The following MGAT4C variants were observed in gnomAD, a reference collection of about 807,000 sequenced individuals.
MGAT4C encodes MGAT4 family member C.
In MGAT4C, 19 loss-of-function variants were observed where a neutral mutation model predicts 40.1. The observed-to-expected ratio is 0.47, with a 90% CI of 0.33 to 0.70. The LOEUF is 0.70. MGAT4C is among the 30% of genes least tolerant of loss of function. The pLI, the probability that MGAT4C is intolerant of heterozygous loss-of-function variation, is 0.02. For missense variants in MGAT4C, 491 were observed against 563.2 expected, an observed-to-expected ratio of 0.87 and a Z score of 1.30; for synonymous variants, 181 against 187.1, an observed-to-expected ratio of 0.97 and a Z score of 0.27.
intron 2 of MGAT4C, among the ~76,000 whole-genome samples, chr12:86,526,058 T>C (rs1003120011): frequency 2.0e-5 from 3 of 152,076 alleles, no homozygotes; most frequent in Non-Finnish European, 2.9e-5. Flanking sequence ...TGTGGCTGGA[T>C]TGGCAGAGGG....
chr12:86,233,652 T>A (rs12318329), intron 1 of MGAT4C, among the ~76,000 whole-genome samples: 1 of 151,990 alleles, frequency 6.6e-6, no homozygotes, highest in Non-Finnish European at 1.5e-5. Context: ...TCACTTATGG[T>A]TTTTTTTCTT....
At chr12:86,664,964 G>A (rs965935358) in intron 2 of MGAT4C, among the ~76,000 whole-genome samples, 1 of 151,998 alleles carries the variant, frequency 6.6e-6, no homozygotes, top group Non-Finnish European at 1.5e-5. Context: ...TCATGTATCA[G>A]TATCCCTCAT....
chr12:86,361,473 A>G (rs547058886), intron 3 of MGAT4C, among the ~76,000 whole-genome samples: 2 of 152,368 alleles, frequency 1.3e-5, no homozygotes, highest in East Asian at 1.9e-4. Context: ...AACAAAAGCC[A>G]AAATTGACAA....
Position 86,606,439 on chromosome 12 carries a change from C to G in MGAT4C, c.-229+120770G>C, listed in dbSNP as rs140289900. 7.9e-5 allele frequency among the ~76,000 whole-genome samples: 12 copies of G among 152,164 alleles called. No homozygotes were observed. In the East Asian group the frequency reaches 2.1e-3, roughly 27 times the overall value. ...TCTGGCATGCAAATATGTAAAATAA[C>G]AAAAATACAGATTGCCATATTCTTC... On this transcript the variant is annotated intron_variant, in intron 2 of 7. Coordinates refer to the MGAT4C transcript ENST00000548651.
At chr12:86,115,077 G>A (rs1878166413) in intron 1 of MGAT4C, among the ~76,000 whole-genome samples, 2 of 151,996 alleles carry the variant, frequency 1.3e-5, no homozygotes, top group South Asian at 4.1e-4. Context: ...TCTCAAAGAT[G>A]TGGGTAACAG....
At chr12:86,572,816 A>C (rs1359791605) in intron 2 of MGAT4C, among the ~76,000 whole-genome samples, 1 of 151,800 alleles carries the variant, frequency 6.6e-6, no homozygotes, top group Admixed American at 6.6e-5. Flanking sequence ...GCACACATCA[A>C]TTATCAAATC....
At chr12:86,690,538 C>G (rs1214621026) in intron 2 of MGAT4C, among the ~76,000 whole-genome samples, 1 of 152,146 alleles carries the variant, frequency 6.6e-6, no homozygotes, top group Non-Finnish European at 1.5e-5. Flanking sequence ...AAGGCACAGT[C>G]CCTCAAGGGT....
intron 2 of MGAT4C, among the ~76,000 whole-genome samples, chr12:86,673,538 T>C (rs1012564662): frequency 3.3e-5 from 5 of 152,118 alleles, no homozygotes; most frequent in Non-Finnish European, 7.4e-5. Flanking sequence ...TAATATGCAT[T>C]TTAATATATG....
intron 2 of MGAT4C, among the ~76,000 whole-genome samples, chr12:86,725,444 C>A (rs1419235120): frequency 6.6e-6 from 1 of 151,966 alleles, no homozygotes; most frequent in Non-Finnish European, 1.5e-5. Context: ...CATCAGCGCC[C>A]CCTGACATTT....
At chr12:86,765,177 T>G (rs1951482257) in intron 1 of MGAT4C, among the ~76,000 whole-genome samples, 2 of 152,114 alleles carry the variant, frequency 1.3e-5, no homozygotes, top group African/African-American at 2.4e-5. Flanking sequence ...TTAAAGGAGC[T>G]GATGGAGCTG....
intron 2 of MGAT4C, among the ~76,000 whole-genome samples, chr12:86,528,435 T>G (rs1313541426): frequency 6.6e-6 from 1 of 152,036 alleles, no homozygotes; most frequent in Non-Finnish European, 1.5e-5. Context: ...AAATATTCAA[T>G]AGACAGATTT....
At chr12:86,827,717 C>CA (rs1225562823) in intron 1 of MGAT4C, among the ~76,000 whole-genome samples, 1 of 151,026 alleles carries the variant, frequency 6.6e-6, no homozygotes, top group Admixed American at 6.6e-5. Context: ...CTGATACAGA[C>CA]AAAAAATGTG....
intron 2 of MGAT4C, among the ~76,000 whole-genome samples, chr12:86,046,621 G>A (rs557045569): frequency 1.3e-5 from 2 of 152,310 alleles, no homozygotes; most frequent in East Asian, 3.9e-4. Flanking sequence ...GCAAACTGTT[G>A]TAAGCTATTA....
intron 3 of MGAT4C, among the ~76,000 whole-genome samples, chr12:86,408,477 C>CTATA (rs1222218802): frequency 1.2e-3 from 119 of 97,504 alleles, no homozygotes; most frequent in African/African-American, 1.5e-3. Flanking sequence ...CTCTCTCTCT[C>CTATA]TCTATATATA....
intron 1 of MGAT4C, among the ~76,000 whole-genome samples, chr12:86,774,291 C>CTT (rs1565981279): frequency 3.5e-5 from 1 of 28,596 alleles, no homozygotes. Flanking sequence ...CTCTTTCTTT[C>CTT]TTTCTTTCTT....
At chr12:86,728,431 C>G (rs1340582216) in intron 1 of MGAT4C, among the ~76,000 whole-genome samples, 2 of 152,218 alleles carry the variant, frequency 1.3e-5, no homozygotes, top group African/African-American at 4.8e-5. Context: ...TGGCTCACGC[C>G]TGTAATCCCA....
chr12:86,605,165 T>C (rs1962000062), intron 2 of MGAT4C, among the ~76,000 whole-genome samples: 1 of 152,140 alleles, frequency 6.6e-6, no homozygotes, highest in Non-Finnish European at 1.5e-5. Context: ...TAACTGAATT[T>C]TTAATATGGC....
intron 2 of MGAT4C, among the ~76,000 whole-genome samples, chr12:86,580,503 TAATA>T (rs1960739152): frequency 6.6e-6 from 1 of 151,468 alleles, no homozygotes; most frequent in Non-Finnish European, 1.5e-5. Context: ...CTGAAATCCA[TAATA>T]AATTTGACAG....
chr12:86,742,675 T>G (rs1951086445), intron 1 of MGAT4C, among the ~76,000 whole-genome samples: 1 of 151,526 alleles, frequency 6.6e-6, no homozygotes, highest in Admixed American at 6.6e-5. Context: ...TCTGGAGGTT[T>G]GTTATGCAGC....
Sources: gnomAD v4.1 joint callset for allele counts (sites outside exome capture counted in the v4.1 genomes callset) on GRCh38, gnomAD v4.1.1 for gene constraint, MANE v1.5 for transcripts, NCBI Gene and HGNC (gene_info 2026-07-23, HGNC 2026-07-21) for gene names.